The following PIGN variants were observed in gnomAD, a reference collection of about 807,000 sequenced individuals.
The protein encoded by PIGN is phosphatidylinositol glycan anchor biosynthesis class N.
A neutral mutation model predicts 125.4 loss-of-function variants in PIGN; 117 were observed. That is an observed-to-expected ratio of 0.93 (90% CI 0.80 to 1.09). The LOEUF is 1.09. Among genes scored for constraint, PIGN ranks in the 50% least tolerant of loss-of-function variants. The probability of loss-of-function intolerance (pLI) is 0.00; values close to 1 mark genes in which losing one functional copy is unlikely to be tolerated. For missense variants in PIGN, 1,075 were observed against 1,094.9 expected (o/e 0.98, Z 0.26); for synonymous variants, 392 against 377.8 (o/e 1.04, Z -0.44).
At chr18:62,138,207 T>C (rs2036004856) in intron 14 of PIGN, 36 bp downstream of exon 14, 4 of 1,537,486 alleles carry the variant, frequency 2.6e-6, no homozygotes, top group Middle Eastern at 3.4e-4. Context: ...GGAAAATTCT[T>C]TCCTTCAAGT....
chr18:62,183,061 T>C (rs1042649439), intron 1 of PIGN, among the ~76,000 whole-genome samples: 2 of 152,218 alleles, frequency 1.3e-5, no homozygotes, highest in African/African-American at 2.4e-5. Flanking sequence ...TGATGATATA[T>C]TGTATTCTTG....
chr18:62,118,690 C>A (rs1461567572), intron 14 of PIGN: 1 of 150,574 alleles, frequency 6.6e-6, no homozygotes, highest in Non-Finnish European at 1.5e-5. Context: ...AAATAATATA[C>A]ATTTTCATTG....
In PIGN at chr18:62,157,539, G is replaced by A. The variant is rs1311183450; in HGVS notation, c.343+148C>T. The A allele has an allele frequency of 6.9e-6, 5 of 723,466 alleles. No homozygotes were observed. In the African/African-American group the frequency reaches 8.8e-5, roughly 13 times the overall value. The allele number at this position is 723,466 out of a possible 1,614,324, so 44.8% of individuals were successfully genotyped here. A position where few individuals can be genotyped will look rare whatever the true frequency, so the allele number is the denominator to read the frequency against. ...AGTTTCAATTCTGGAGTCAGTACCAGTGGGTATTCATGTCAGCAAAGCATG... is the reference window on the plus strand; with the variant it reads ...AGTTTCAATTCTGGAGTCAGTACCAATGGGTATTCATGTCAGCAAAGCATG... On this transcript the variant is annotated intron_variant, in intron 5 of 30. Transcript: ENST00000640252.
chr18:62,050,092 G>C (rs2031142225), intron 30 of PIGN, among the ~76,000 whole-genome samples: 1 of 151,908 alleles, frequency 6.6e-6, no homozygotes. Flanking sequence ...ATGCTGTTTT[G>C]GTTACTGTAG....
chr18:62,036,910 T>C (rs1364334446), downstream of PIGN, among the ~76,000 whole-genome samples: 1 of 152,206 alleles, frequency 6.6e-6, no homozygotes, highest in African/African-American at 2.4e-5. Flanking sequence ...TCAGTAAATA[T>C]GATCTGCCAG....
downstream of PIGN, among the ~76,000 whole-genome samples, chr18:62,036,800 GC>G (rs2030267568): frequency 6.6e-6 from 1 of 152,114 alleles, no homozygotes; most frequent in Non-Finnish European, 1.5e-5. Flanking sequence ...ATCATGTCTG[GC>G]CACTCAGCAT....
At chr18:62,035,177 G>C (rs1277949640) in intron 23 of PIGN, among the ~76,000 whole-genome samples, 1 of 152,106 alleles carries the variant, frequency 6.6e-6, no homozygotes, top group African/African-American at 2.4e-5. Context: ...CACCATGATT[G>C]TGAGGCCTCC....
intron 23 of PIGN, among the ~76,000 whole-genome samples, chr18:62,027,817 G>A (rs1421569163): frequency 6.6e-6 from 1 of 152,098 alleles, no homozygotes; most frequent in Non-Finnish European, 1.5e-5. Flanking sequence ...TGAGGTGGGA[G>A]GATTGCTTGA....
At position 62,145,932 on chromosome 18, in the gene PIGN, T is replaced by C. The variant is rs1201550397; in HGVS notation, c.899A>G (p.Gln300Arg). Residue 300 changes from glutamine (Q) to arginine (R), a missense_variant, in exon 10 of 31, where the codon CAA (glutamine) becomes CGA (arginine). Gln to Arg is a conservative substitution (Grantham distance 43, BLOSUM62 1). Transcript: ENST00000640252. ...ACCTTTCAAAAATGCATCATCAAAT[T>C]GCTGAGCTGATACTCTTTGGGGATA... ...IKYPQRVSAQ[Q>R]FDDAFLKEWR... is the part of the protein sequence containing the mutation. 1.3e-6 allele frequency: 2 copies of C among 1,590,946 alleles called. No individual in the cohort carries two copies.
chr18:62,169,630 T>C (rs2037280584), intron 1 of PIGN, among the ~76,000 whole-genome samples: 1 of 152,076 alleles, frequency 6.6e-6, no homozygotes, highest in Non-Finnish European at 1.5e-5. Context: ...TAACTTTTTT[T>C]TTTCCCTTGA....
chr18:62,055,930 T>C (rs987869843), intron 30 of PIGN, among the ~76,000 whole-genome samples: 1 of 151,114 alleles, frequency 6.6e-6, no homozygotes, highest in African/African-American at 2.4e-5. Flanking sequence ...ATTTGTTAAA[T>C]GAATTATTAA....
chr18:62,114,442 G>A, intron 15 of PIGN, 119 bp downstream of exon 15: 1 of 645,192 alleles, frequency 1.5e-6, no homozygotes, highest in Non-Finnish European at 2.8e-6. Context: ...CTCAGGAAAT[G>A]CAATCCTTCC....
downstream of PIGN, among the ~76,000 whole-genome samples, chr18:62,039,196 A>T (rs1432857110): frequency 2.6e-5 from 4 of 152,072 alleles, no homozygotes; most frequent in Non-Finnish European, 5.9e-5. Flanking sequence ...TAAAAACATA[A>T]AATTACAATT....
chr18:62,155,369 C>T (rs371350706), intron 6 of PIGN, among the ~76,000 whole-genome samples: 4 of 151,916 alleles, frequency 2.6e-5, no homozygotes, highest in African/African-American at 7.3e-5. Context: ...GAGATCGAGA[C>T]CCCCCTGGCC....
chr18:62,095,171 G>C (rs1254657454), intron 23 of PIGN, among the ~76,000 whole-genome samples: 1 of 152,156 alleles, frequency 6.6e-6, no homozygotes. Context: ...GTTTGTTCTA[G>C]TCATTGTTTG....
chr18:62,154,693 T>A (rs566216580), intron 6 of PIGN, 42 bp from the exon 7 acceptor site: 11 of 918,562 alleles, frequency 1.2e-5, no homozygotes, highest in Non-Finnish European at 1.9e-5. Flanking sequence ...TTACAAAATC[T>A]TTTAAACTAT....
chr18:62,061,931 A>G lies in PIGN; in HGVS notation c.2672+10742T>C, dbSNP rs541765087. Reference sequence around the variant, plus strand: ...GACGTACATTTCCCCCTACTTCCCCACCATTATCCAAGCCTTTTCCTCGCA... The same window carrying G: ...GACGTACATTTCCCCCTACTTCCCCGCCATTATCCAAGCCTTTTCCTCGCA... On this transcript the variant is annotated intron_variant, in intron 30 of 30. Transcript: ENST00000640252. 1.9e-3 allele frequency among the ~76,000 whole-genome samples: 290 copies of G among 152,188 alleles called. 1 individual carries two copies. Among genetic ancestry groups the G allele is most frequent in the African/African-American group, 6.4e-3 (265 of 41,516 alleles).
At chr18:62,170,717 T>C (rs1231547688) in intron 1 of PIGN, among the ~76,000 whole-genome samples, 1 of 152,226 alleles carries the variant, frequency 6.6e-6, no homozygotes, top group Non-Finnish European at 1.5e-5. Context: ...TTAAGCTTAG[T>C]GAAGAAGGCA....
In PIGN at chr18:62,090,591, G is replaced by A. The variant is rs1395181546; in HGVS notation, c.2181-13C>T. 2.7e-6 allele frequency: 4 copies of A among 1,471,228 alleles called. No individual in the cohort carries two copies. The highest frequency in any genetic ancestry group is 1.4e-5 in the African/African-American group (1 of 71,648). The allele number at this position is 1,471,228 out of a possible 1,614,324, so 91.1% of individuals were successfully genotyped here. ...GAGAGCTTCATACCTAACAGGTGGG[G>A]AAAGGTAGAAATGAAAAGAAAAAAA... On this transcript the variant is annotated splice_polypyrimidine_tract_variant and intron_variant, in intron 23 of 30. Coordinates refer to ENST00000640252, the MANE Select transcript of PIGN (RefSeq NM_176787.5).
Sources: allele counts gnomAD v4.1 joint callset (sites outside exome capture counted in the v4.1 genomes callset), GRCh38; gene constraint gnomAD v4.1.1; transcripts MANE v1.5; gene names NCBI Gene and HGNC (gene_info 2026-07-23, HGNC 2026-07-21).